Variants in ATP2B2 observed in about 807,000 individuals in gnomAD.
The protein encoded by ATP2B2 is ATPase plasma membrane Ca2+ transporting 2.
Under a neutral mutation model 120.0 loss-of-function variants are expected in ATP2B2, and 15 were observed. That is an observed-to-expected ratio of 0.12 (90% confidence interval 0.08 to 0.19). The LOEUF is 0.19. Ranked by LOEUF, ATP2B2 falls within the 10% of genes least tolerant of loss-of-function variation. The probability of loss-of-function intolerance (pLI) is 1.00; values close to 1 mark genes in which losing one functional copy is unlikely to be tolerated. For synonymous variants in ATP2B2, 694 were observed against 700.3 expected, an observed-to-expected ratio of 0.99 and a Z score of 0.14; for missense variants, 1,045 against 1,719.8, an observed-to-expected ratio of 0.61 and a Z score of 6.94.
intron 1 of ATP2B2, among the ~76,000 whole-genome samples, chr3:10,468,471 T>C (rs2064847556): frequency 2.6e-5 from 4 of 152,266 alleles, no homozygotes; most frequent in Non-Finnish European, 5.9e-5. Context: ...GTTGATTTGC[T>C]GACGCATGGC....
At chr3:10,657,556 G>C (rs928272140) in intron 1 of ATP2B2, among the ~76,000 whole-genome samples, 3 of 152,208 alleles carry the variant, frequency 2.0e-5, no homozygotes, top group Non-Finnish European at 4.4e-5. Flanking sequence ...GGGGAGGGGG[G>C]CCTGCCATTG....
rs34843797 is a variant in ATP2B2, at chr3:10,610,076, T to TACACAC, written c.-415+9835_-415+9840dup. Reference sequence around the variant, plus strand: ...TCATACACATATACATATACACACATACACACACACACACACACACACACA... The same window carrying TACACAC: ...TCATACACATATACATATACACACATACACACACACACACACACACACACACACACA... On this transcript the variant is annotated intron_variant, in intron 2 of 21. Coordinates refer to the ATP2B2 transcript ENST00000646379. Among the ~76,000 whole-genome samples, 1,088 of 146,686 alleles carry TACACAC rather than the reference T, an allele frequency of 7.4e-3. 10 individuals carry two copies. The highest frequency in any genetic ancestry group is 0.012 in the Non-Finnish European group (782 of 66,350).
intron 2 of ATP2B2, among the ~76,000 whole-genome samples, chr3:10,414,814 C>G (rs1367389405): frequency 6.6e-6 from 1 of 152,200 alleles, no homozygotes; most frequent in Non-Finnish European, 1.5e-5. Context: ...AGCCCCCGCC[C>G]TTGCCCACTC....
At chr3:10,695,399 C>T (rs1169933140) in intron 1 of ATP2B2, among the ~76,000 whole-genome samples, 1 of 152,098 alleles carries the variant, frequency 6.6e-6, no homozygotes, top group Non-Finnish European at 1.5e-5. Flanking sequence ...TACCTCCCAC[C>T]GGGTCCCTCC....
intron 1 of ATP2B2, among the ~76,000 whole-genome samples, chr3:10,628,522 T>TAC (rs1294242763): frequency 6.6e-6 from 1 of 152,246 alleles, no homozygotes; most frequent in African/African-American, 2.4e-5. Context: ...ACAACAGCCC[T>TAC]ACACCCGGAG....
intron 2 of ATP2B2, among the ~76,000 whole-genome samples, chr3:10,598,996 G>A (rs2068835676): frequency 6.6e-6 from 1 of 152,210 alleles, no homozygotes; most frequent in African/African-American, 2.4e-5. Context: ...CTGTGTTACT[G>A]CCCCGGCCCT....
intron 2 of ATP2B2, among the ~76,000 whole-genome samples, chr3:10,419,519 C>T (rs1328699949): frequency 1.3e-5 from 2 of 152,232 alleles, no homozygotes; most frequent in Non-Finnish European, 2.9e-5. Context: ...ACCACCACAG[C>T]CATAACATGC....
chr3:10,586,115 T>C (rs993194472), intron 2 of ATP2B2, among the ~76,000 whole-genome samples: 6 of 152,170 alleles, frequency 3.9e-5, no homozygotes, highest in African/African-American at 1.4e-4. Flanking sequence ...AGGAGATAAA[T>C]AGTGGTATTT....
intron 3 of ATP2B2, among the ~76,000 whole-genome samples, chr3:10,521,589 C>T (rs74479296): frequency 6.6e-6 from 1 of 152,060 alleles, no homozygotes; most frequent in Non-Finnish European, 1.5e-5. Flanking sequence ...ATAGAAGCAG[C>T]GAGAGTGTGG....
intron 1 of ATP2B2, among the ~76,000 whole-genome samples, chr3:10,481,991 G>A (rs1032229510): frequency 3.9e-5 from 6 of 152,178 alleles, no homozygotes; most frequent in Non-Finnish European, 8.8e-5. Flanking sequence ...GGTTTGCCTC[G>A]GACTGAGGGG....
At chr3:10,504,871 G>A (rs2066553112) in intron 1 of ATP2B2, among the ~76,000 whole-genome samples, 1 of 152,152 alleles carries the variant, frequency 6.6e-6, no homozygotes, top group South Asian at 2.1e-4. Context: ...CCTGGCCATG[G>A]AGGGGACCCA....
intron 1 of ATP2B2, among the ~76,000 whole-genome samples, chr3:10,452,624 G>A (rs1372503408): frequency 6.6e-6 from 1 of 151,558 alleles, no homozygotes; most frequent in Non-Finnish European, 1.5e-5. Context: ...AAGGAAATGA[G>A]GTCAGGGGTC....
At chr3:10,506,451 C>T (rs543664660), upstream of ATP2B2, among the ~76,000 whole-genome samples, 14 of 152,302 alleles carry the variant, frequency 9.2e-5, no homozygotes, top group African/African-American at 2.9e-4. Context: ...CCAGGGACCC[C>T]GGGTGAGGAG....
intron 22 of ATP2B2, among the ~76,000 whole-genome samples, chr3:10,337,516 G>GT (rs2060152227): frequency 6.6e-6 from 1 of 151,874 alleles, no homozygotes; most frequent in African/African-American, 2.4e-5. Flanking sequence ...GGGGGTCGGG[G>GT]GAGGCGCGCA....
At chr3:10,457,581 AG>A (rs2064315856) in intron 1 of ATP2B2, among the ~76,000 whole-genome samples, 1 of 151,904 alleles carries the variant, frequency 6.6e-6, no homozygotes, top group Non-Finnish European at 1.5e-5. Context: ...AGAGAGAGAG[AG>A]AGCAAGCCCA....
intron 1 of ATP2B2, among the ~76,000 whole-genome samples, chr3:10,672,242 C>A (rs1375618140): frequency 1.3e-5 from 2 of 152,208 alleles, no homozygotes; most frequent in African/African-American, 4.8e-5. Context: ...AACCTCCTGG[C>A]GCTCCAGCTT....
At chr3:10,354,280 C>T (rs984375601) in intron 14 of ATP2B2, among the ~76,000 whole-genome samples, 9 of 152,282 alleles carry the variant, frequency 5.9e-5, no homozygotes, top group African/African-American at 2.2e-4. Flanking sequence ...CACTGAGGAT[C>T]CGGAGATGAT....
chr3:10,439,342 G>A (rs987276679), intron 2 of ATP2B2, among the ~76,000 whole-genome samples: 1 of 152,194 alleles, frequency 6.6e-6, no homozygotes, highest in East Asian at 1.9e-4. Flanking sequence ...AGCTTGGAGA[G>A]GGTCTCAGTC....
intron 1 of ATP2B2, among the ~76,000 whole-genome samples, chr3:10,641,738 G>A (rs538361697): frequency 6.6e-5 from 10 of 152,258 alleles, no homozygotes; most frequent in South Asian, 4.1e-4. Flanking sequence ...CTGAGGGACC[G>A]GGAAAGGAGG....
Sources: gnomAD v4.1 joint callset for allele counts (sites outside exome capture counted in the v4.1 genomes callset) on GRCh38, gnomAD v4.1.1 for gene constraint, MANE v1.5 for transcripts, NCBI Gene and HGNC (gene_info 2026-07-23, HGNC 2026-07-21) for gene names.